The following TRDN variants were observed in gnomAD, a reference collection of about 807,000 sequenced individuals.
The protein encoded by TRDN is triadin, also known as triadin in skeletal muscle.
TRDN carries 161 observed loss-of-function variants against 149.7 expected under a neutral mutation model. The ratio of observed to expected loss-of-function variants is 1.08; its 90% CI spans 0.95 to 1.23. TRDN has a LOEUF of 1.23. TRDN is among the 50% of genes most tolerant of loss of function. TRDN has a pLI of 0.00. For missense variants in TRDN, 896 were observed against 823.5 expected (o/e 1.09, Z -1.08); for synonymous variants, 294 against 250.5 (o/e 1.17, Z -1.64).
At chr6:123,370,455 A>G (rs892368460) in intron 19 of TRDN, among the ~76,000 whole-genome samples, 1 of 152,166 alleles carries the variant, frequency 6.6e-6, no homozygotes, top group Non-Finnish European at 1.5e-5. Flanking sequence ...CTAGCATTCC[A>G]ATGTTTGGTC....
At chr6:123,526,994 A>T (rs1197949839) in intron 5 of TRDN, among the ~76,000 whole-genome samples, 2 of 152,076 alleles carry the variant, frequency 1.3e-5, no homozygotes, top group African/African-American at 4.8e-5. Context: ...TTTAATTCTT[A>T]TGACAACTCT....
intron 1 of TRDN, among the ~76,000 whole-genome samples, chr6:123,620,054 T>C (rs1446115825): frequency 2.0e-5 from 3 of 152,164 alleles, no homozygotes; most frequent in Admixed American, 2.0e-4. Context: ...AGAATCTTCT[T>C]GTGCATGATC....
intron 19 of TRDN, among the ~76,000 whole-genome samples, chr6:123,374,614 T>C (rs1781437565): frequency 6.6e-6 from 1 of 152,078 alleles, no homozygotes; most frequent in African/African-American, 2.4e-5. Flanking sequence ...ACTCAATATA[T>C]TTTTCAATTT....
intron 12 of TRDN, among the ~76,000 whole-genome samples, chr6:123,400,513 G>C (rs1186904419): frequency 1.3e-5 from 2 of 152,082 alleles, no homozygotes; most frequent in Admixed American, 6.5e-5. Flanking sequence ...TAGGGTTCAA[G>C]CTCCTATGAG....
intron 23 of TRDN, among the ~76,000 whole-genome samples, chr6:123,318,366 G>T (rs1385953149): frequency 6.6e-6 from 1 of 151,946 alleles, no homozygotes; most frequent in African/African-American, 2.4e-5. Flanking sequence ...TGAAGTACAT[G>T]CTATTTTAAT....
intron 13 of TRDN, among the ~76,000 whole-genome samples, chr6:123,393,005 A>C (rs1400053645): frequency 6.6e-6 from 1 of 152,082 alleles, no homozygotes; most frequent in East Asian, 1.9e-4. Flanking sequence ...TGTGTTCCAT[A>C]AAGTTTTGCC....
At chr6:123,400,436 C>T (rs1038909147) in intron 12 of TRDN, among the ~76,000 whole-genome samples, 6 of 151,886 alleles carry the variant, frequency 4.0e-5, no homozygotes, top group Non-Finnish European at 5.9e-5. Flanking sequence ...CACCTCAGAT[C>T]GTCAGGCATT....
chr6:123,587,789 G>T (rs1289519226), intron 1 of TRDN, among the ~76,000 whole-genome samples: 1 of 151,346 alleles, frequency 6.6e-6, no homozygotes, highest in Non-Finnish European at 1.5e-5. Context: ...TGGCAGGCAG[G>T]AGTGGGGGTC....
chr6:123,389,776 A>G (rs1383096734), intron 13 of TRDN, among the ~76,000 whole-genome samples: 1 of 152,178 alleles, frequency 6.6e-6, no homozygotes, highest in Admixed American at 6.6e-5. Context: ...AATAATACAC[A>G]AAATGTATAG....
intron 20 of TRDN, among the ~76,000 whole-genome samples, chr6:123,361,472 G>A (rs1780898332): frequency 6.6e-6 from 1 of 151,710 alleles, no homozygotes; most frequent in African/African-American, 2.4e-5. Context: ...GTATACCCAT[G>A]TAACAAAACA....
chr6:123,275,941 G>A (rs555703227), intron 26 of TRDN, among the ~76,000 whole-genome samples: 78 of 152,220 alleles, frequency 5.1e-4, no homozygotes, highest in African/African-American at 1.8e-3. Flanking sequence ...TTGGGATTAA[G>A]GTATTAGCAG....
intron 9 of TRDN, among the ~76,000 whole-genome samples, chr6:123,480,478 C>T (rs1477459331): frequency 1.3e-5 from 2 of 151,920 alleles, no homozygotes; most frequent in African/African-American, 2.4e-5. Context: ...TGTTTACCAA[C>T]GAAGTTTTCA....
chr6:123,586,381 G>T (rs1036491947), intron 1 of TRDN, among the ~76,000 whole-genome samples: 15 of 152,028 alleles, frequency 9.9e-5, no homozygotes, highest in Admixed American at 7.2e-4. Context: ...AAAAGGAAGA[G>T]TAGAAAGACT....
chr6:123,580,892 C>A (rs983207274), intron 1 of TRDN, among the ~76,000 whole-genome samples: 1 of 152,120 alleles, frequency 6.6e-6, no homozygotes, highest in Non-Finnish European at 1.5e-5. Flanking sequence ...GATTATGATA[C>A]TTTTAATTAT....
chr6:123,532,875 G>C (rs1780315875), intron 4 of TRDN, among the ~76,000 whole-genome samples: 1 of 151,746 alleles, frequency 6.6e-6, no homozygotes, highest in South Asian at 2.1e-4. Flanking sequence ...GGGGAGCAAA[G>C]GACCTTTACA....
intron 27 of TRDN, among the ~76,000 whole-genome samples, chr6:123,274,123 G>GTCTA (rs1192196000): frequency 6.6e-6 from 1 of 152,056 alleles, no homozygotes; most frequent in Non-Finnish European, 1.5e-5. Flanking sequence ...CAGATATTAA[G>GTCTA]TATAGGTAAT....
intron 38 of TRDN, among the ~76,000 whole-genome samples, chr6:123,231,445 A>G (rs911444142): frequency 6.6e-6 from 1 of 152,054 alleles, no homozygotes; most frequent in Admixed American, 6.6e-5. Context: ...TTGTTCAGGA[A>G]AAGAGAATGA....
intron 23 of TRDN, among the ~76,000 whole-genome samples, chr6:123,321,260 C>T (rs1210960433): frequency 2.0e-5 from 3 of 152,198 alleles, no homozygotes; most frequent in East Asian, 1.9e-4. Flanking sequence ...TGAAGTACTT[C>T]GAATGGTGCC....
intron 38 of TRDN, among the ~76,000 whole-genome samples, chr6:123,248,310 A>G (rs1464494101): frequency 6.6e-6 from 1 of 152,190 alleles, no homozygotes; most frequent in Non-Finnish European, 1.5e-5. Flanking sequence ...TAATCCCAGC[A>G]CTTTGGGAGG....
Sources: allele counts gnomAD v4.1 joint callset (sites outside exome capture counted in the v4.1 genomes callset), GRCh38; gene constraint gnomAD v4.1.1; transcripts MANE v1.5; gene names NCBI Gene and HGNC (gene_info 2026-07-23, HGNC 2026-07-21).